MED12L: variants seen among roughly 807,000 people sequenced by gnomAD.
MED12L encodes the protein mediator of RNA polymerase II transcription subunit 12-like protein.
MED12L carries 60 observed loss-of-function variants against 281.3 expected under a neutral mutation model. The ratio of observed to expected loss-of-function variants is 0.21; its 90% CI spans 0.17 to 0.26. The LOEUF (loss-of-function observed/expected upper bound fraction) is 0.26, where lower values mean the gene tolerates loss of function less well. MED12L is among the 10% of genes least tolerant of loss of function. The pLI is 1.00. For synonymous variants in MED12L, 974 were observed against 987.2 expected, an observed-to-expected ratio of 0.99 and a Z score of 0.25; for missense variants, 2,146 against 2,680.9, an observed-to-expected ratio of 0.80 and a Z score of 4.41.
intron 13 of MED12L, among the ~76,000 whole-genome samples, chr3:151,189,328 A>G (rs2043170): frequency 0.085 from 13,006 of 152,184 alleles, 1,285 homozygotes; most frequent in African/African-American, 0.23. Context: ...GAGAGCAAGC[A>G]CTGGAGCTAA....
chr3:151,097,508 A>C (rs1720871322), intron 2 of MED12L, among the ~76,000 whole-genome samples: 1 of 152,192 alleles, frequency 6.6e-6, no homozygotes. Flanking sequence ...CCTGGCCTGC[A>C]CCGAGGACTC....
intron 16 of MED12L, among the ~76,000 whole-genome samples, chr3:151,324,193 T>G (rs986719847): frequency 1.3e-5 from 2 of 152,220 alleles, no homozygotes; most frequent in East Asian, 3.8e-4. Context: ...CCTAGTAGTA[T>G]TTGTCTCATA....
At chr3:151,195,156 C>T (rs946247559) in intron 16 of MED12L, among the ~76,000 whole-genome samples, 1 of 152,130 alleles carries the variant, frequency 6.6e-6, no homozygotes, top group Non-Finnish European at 1.5e-5. Context: ...GAGGGAGACT[C>T]TGTCTCAAAA....
chr3:151,153,780 G>T (rs962043710), intron 5 of MED12L, among the ~76,000 whole-genome samples: 1 of 151,936 alleles, frequency 6.6e-6, no homozygotes, highest in Non-Finnish European at 1.5e-5. Flanking sequence ...TGTTGGCCAG[G>T]CTGGTCTTGA....
chr3:151,146,734 T>A (rs1340537862), intron 5 of MED12L, among the ~76,000 whole-genome samples: 1 of 152,206 alleles, frequency 6.6e-6, no homozygotes, highest in African/African-American at 2.4e-5. Context: ...AGAGGAAAAC[T>A]TTTTAAAAGC....
At chr3:151,222,493 G>T (rs910524435) in intron 16 of MED12L, among the ~76,000 whole-genome samples, 1 of 152,150 alleles carries the variant, frequency 6.6e-6, no homozygotes, top group Admixed American at 6.5e-5. Context: ...AGATCTTTCT[G>T]TGCTGTTCTT....
intron 23 of MED12L, among the ~76,000 whole-genome samples, chr3:151,366,454 T>G (rs566355316): frequency 1.3e-5 from 2 of 152,336 alleles, no homozygotes; most frequent in East Asian, 3.9e-4. Context: ...AGGTCTAGAT[T>G]CCGAGGATGT....
chr3:151,145,057 T>G (rs1009393216), intron 5 of MED12L, among the ~76,000 whole-genome samples: 1 of 152,192 alleles, frequency 6.6e-6, no homozygotes, highest in African/African-American at 2.4e-5. Flanking sequence ...TGCATCTCAT[T>G]TAATCCTCAA....
rs77460479 is a variant in MED12L, at chr3:151,392,995, G to T, written c.5609-1661G>T. Among the ~76,000 whole-genome samples the T allele has an allele frequency of 9.5e-3, 1,451 of 152,206 alleles. 10 individuals are homozygous for T. The highest frequency in any genetic ancestry group is 0.027 in the Middle Eastern group (8 of 294). Reference sequence around the variant, plus strand: ...ACACGTAATATATGTTCTGATTGTTGCTTCAATAGAAGTTACCCAGCCATG... The same window carrying T: ...ACACGTAATATATGTTCTGATTGTTTCTTCAATAGAAGTTACCCAGCCATG... On this transcript the variant is annotated intron_variant, in intron 38 of 44. Transcript: ENST00000687756.
intron 16 of MED12L, among the ~76,000 whole-genome samples, chr3:151,342,228 C>T (rs765550037): frequency 1.5e-4 from 23 of 152,184 alleles, no homozygotes; most frequent in Non-Finnish European, 2.9e-4. Context: ...TCCACATCCT[C>T]TCCAACACCT....
intron 5 of MED12L, among the ~76,000 whole-genome samples, chr3:151,145,253 G>T (rs1717607420): frequency 6.6e-6 from 1 of 152,168 alleles, no homozygotes; most frequent in Non-Finnish European, 1.5e-5. Context: ...ATGCATGTCA[G>T]GGGCTTAGAA....
At chr3:151,279,592 A>G (rs571626042) in intron 16 of MED12L, among the ~76,000 whole-genome samples, 13 of 152,278 alleles carry the variant, frequency 8.5e-5, no homozygotes, top group East Asian at 3.9e-4. Flanking sequence ...GCGGGCCCCA[A>G]TAGTCCTCAC....
intron 8 of MED12L, among the ~76,000 whole-genome samples, chr3:151,163,087 A>G (rs1720208463): frequency 6.6e-6 from 1 of 152,208 alleles, no homozygotes; most frequent in Admixed American, 6.5e-5. Context: ...TGTGCTATTA[A>G]TAAAATCAAA....
intron 43 of MED12L, among the ~76,000 whole-genome samples, chr3:151,422,898 A>C (rs1342401660): frequency 6.8e-6 from 1 of 146,822 alleles, no homozygotes. Flanking sequence ...ATTTAGAATT[A>C]ATGAAAATAT....
intron 38 of MED12L, among the ~76,000 whole-genome samples, chr3:151,392,467 G>GAAAAAAAAAAAAAAAAAA (rs200781609): frequency 1.0e-5 from 1 of 95,856 alleles, no homozygotes; most frequent in Non-Finnish European, 2.0e-5. Context: ...TCCATCTCAA[G>GAAAAAAAAAAAAAAAAAA]AAAAAAAAAA....
chr3:151,378,009 T>C lies in MED12L; in HGVS notation c.4317-3T>C. ...CCGGTGTAACACCTGTTTCTGATTT[T>C]AGTTCCTCCGAACGCAGGGGTGTAT... is the stretch of plus-strand genomic sequence containing the variant. On this transcript the variant is annotated splice_region_variant and splice_polypyrimidine_tract_variant and intron_variant, in intron 30 of 44. Coordinates refer to ENST00000687756, the MANE Select transcript of MED12L (RefSeq NM_001393769.1). 3 of 1,590,398 alleles carry C rather than the reference T, an allele frequency of 1.9e-6. No homozygotes were observed. The highest frequency in any genetic ancestry group is 1.7e-6 in the Non-Finnish European group (2 of 1,165,874).
chr3:151,254,224 C>T (rs1361749870), intron 16 of MED12L, among the ~76,000 whole-genome samples: 2 of 152,106 alleles, frequency 1.3e-5, no homozygotes, highest in African/African-American at 2.4e-5. Flanking sequence ...CTGTTGACTT[C>T]CTTGTGTGGA....
At chr3:151,308,608 C>G (rs1007740629) in intron 16 of MED12L, among the ~76,000 whole-genome samples, 4 of 152,152 alleles carry the variant, frequency 2.6e-5, no homozygotes, top group African/African-American at 9.7e-5. Flanking sequence ...TTAAAAGATG[C>G]AGAATGCTTT....
chr3:151,416,319 A>G lies in MED12L; in HGVS notation c.6305A>G (p.Gln2102Arg). Residue 2102 changes from glutamine to arginine, a missense_variant, in exon 43 of 45, where the codon CAG becomes CGG. Around this residue, in one of 9 missense-constraint regions of MED12L, gnomAD observed 496 missense variants for 512.0 expected, o/e 0.97. Coordinates refer to ENST00000687756, the MANE Select transcript of MED12L (RefSeq NM_001393769.1). ...TTTTTACCCTCTTTCCAGATGCAGCAGCCCCAGCAGCCCCAGCCCCAGCAG... is the reference window on the plus strand; with the variant it reads ...TTTTTACCCTCTTTCCAGATGCAGCGGCCCCAGCAGCCCCAGCCCCAGCAG... Reference protein sequence around the residue: ...RQQQRLLQMQQPQQPQPQQPP... With the variant: ...RQQQRLLQMQRPQQPQPQQPP... 1 of 1,611,520 alleles carries G rather than the reference A, an allele frequency of 6.2e-7. No individual in the cohort carries two copies. The highest frequency in any genetic ancestry group is 1.3e-5 in the African/African-American group (1 of 74,964).
Sources: gnomAD v4.1 joint callset for allele counts (sites outside exome capture counted in the v4.1 genomes callset) on GRCh38, gnomAD v4.1.1 for gene constraint, gnomAD v4.1.1 regional missense constraint, MANE v1.5 for transcripts, NCBI Gene and HGNC (gene_info 2026-07-23, HGNC 2026-07-21) for gene names.